Variants in RGS7 observed in about 807,000 individuals in gnomAD.
RGS7 encodes regulator of G-protein signaling 7.
A neutral mutation model predicts 81.1 loss-of-function variants in RGS7; 27 were observed. The ratio of observed to expected loss-of-function variants is 0.33; its 90% CI spans 0.25 to 0.46. The LOEUF is 0.46. Among genes scored for constraint, RGS7 ranks in the 20% least tolerant of loss-of-function variants. The pLI is 1.00. For synonymous variants in RGS7, 208 were observed against 207.7 expected, an observed-to-expected ratio of 1.00 and a Z score of -0.01; for missense variants, 396 against 607.4, an observed-to-expected ratio of 0.65 and a Z score of 3.66.
intron 6 of RGS7, among the ~76,000 whole-genome samples, chr1:240,880,829 T>C (rs953304086): frequency 4.6e-5 from 7 of 152,178 alleles, no homozygotes; most frequent in East Asian, 1.9e-4. Flanking sequence ...TGTTAATTTT[T>C]CAAATGAGTA....
chr1:241,084,025 A>G (rs1019363311), intron 3 of RGS7, among the ~76,000 whole-genome samples: 2 of 152,216 alleles, frequency 1.3e-5, no homozygotes, highest in African/African-American at 4.8e-5. Context: ...AAATATAATA[A>G]GCAGGCTTAA....
At chr1:241,243,628 G>T (rs1329029731) in intron 2 of RGS7, among the ~76,000 whole-genome samples, 1 of 152,166 alleles carries the variant, frequency 6.6e-6, no homozygotes, top group Non-Finnish European at 1.5e-5. Flanking sequence ...CTAAATCCTT[G>T]CAGCTGCCCT....
chr1:241,186,528 T>A (rs60984403), intron 2 of RGS7: 89,705 of 296,066 alleles, frequency 0.3, 13,329 homozygotes, highest in Admixed American at 0.37. Flanking sequence ...TATATATTTT[T>A]TTTTTTTTTT....
chr1:240,999,592 G>A (rs1013857311), intron 3 of RGS7, among the ~76,000 whole-genome samples: 6 of 151,978 alleles, frequency 3.9e-5, no homozygotes, highest in Non-Finnish European at 7.4e-5. Context: ...TTCTTGGTAC[G>A]ATGAGTATTT....
intron 9 of RGS7, among the ~76,000 whole-genome samples, chr1:240,829,748 GACTGAGCCACCAC>G (rs1185183173): frequency 6.6e-6 from 1 of 152,108 alleles, no homozygotes; most frequent in Non-Finnish European, 1.5e-5. Context: ...AGTGAGCTGT[GACTGAGCCACCAC>G]ACTCCAGCCT....
chr1:241,107,840 G>A (rs191824500), intron 2 of RGS7, among the ~76,000 whole-genome samples: 2 of 152,272 alleles, frequency 1.3e-5, no homozygotes, highest in South Asian at 2.1e-4. Context: ...ACTGGAGGTG[G>A]AGTTGGAAGG....
intron 2 of RGS7, among the ~76,000 whole-genome samples, chr1:241,279,123 T>C (rs140497338): frequency 3.6e-4 from 54 of 151,204 alleles, no homozygotes; most frequent in Admixed American, 1.6e-3. Context: ...TCATAACATA[T>C]ATAATATATA....
Position 241,098,739 on chromosome 1 carries a change from C to T in RGS7, c.102G>A (p.Met34Ile). 1 of 1,612,716 alleles carries T rather than the reference C, an allele frequency of 6.2e-7. No homozygotes were observed. Among genetic ancestry groups the T allele is most frequent in the East Asian group, 2.2e-5 (1 of 44,848 alleles). Residue 34 changes from methionine to isoleucine, a missense_variant, in exon 3 of 19, where the codon ATG (methionine) becomes ATA (isoleucine). Transcript: ENST00000440928. Reference protein sequence around the residue: ...YRKMEDVIARMQDEKNGIPIR... With the variant: ...YRKMEDVIARIQDEKNGIPIR... ...TAGGAATTCCATTTTTTTCATCTTGCATCCGTGCTATGACGTCTTCCATCT... is the reference window on the plus strand; with the variant it reads ...TAGGAATTCCATTTTTTTCATCTTGTATCCGTGCTATGACGTCTTCCATCT...
intron 3 of RGS7, among the ~76,000 whole-genome samples, chr1:241,014,925 A>G (rs6685966): frequency 0.061 from 9,236 of 152,198 alleles, 874 homozygotes; most frequent in African/African-American, 0.2. Context: ...CACTTACATC[A>G]AAGGAAAAAT....
At chr1:240,963,095 A>T (rs1467962053) in intron 4 of RGS7, among the ~76,000 whole-genome samples, 1 of 152,182 alleles carries the variant, frequency 6.6e-6, no homozygotes, top group East Asian at 1.9e-4. Context: ...GGTAGAAAAC[A>T]GTGGCAGTTC....
chr1:241,141,600 T>G (rs1485841618), intron 2 of RGS7, among the ~76,000 whole-genome samples: 1 of 152,026 alleles, frequency 6.6e-6, no homozygotes, highest in Non-Finnish European at 1.5e-5. Context: ...GGCGGAAAAG[T>G]CCCTTACAGA....
At chr1:240,915,828 A>C (rs968992870) in intron 6 of RGS7, among the ~76,000 whole-genome samples, 2 of 152,166 alleles carry the variant, frequency 1.3e-5, no homozygotes, top group Non-Finnish European at 2.9e-5. Flanking sequence ...GAAATTCAAG[A>C]AATAAAAAAC....
At chr1:241,025,975 C>A (rs2148710526) in intron 3 of RGS7, among the ~76,000 whole-genome samples, 1 of 152,302 alleles carries the variant, frequency 6.6e-6, no homozygotes, top group African/African-American at 2.4e-5. Context: ...ATTAATAGAA[C>A]ATAGTAATGT....
intron 10 of RGS7, chr1:240,823,279 C>G: frequency 1.6e-6 from 1 of 629,194 alleles, no homozygotes; most frequent in Admixed American, 2.1e-5. Flanking sequence ...ACTTCCGACA[C>G]TGGCCCAACC....
intron 3 of RGS7, among the ~76,000 whole-genome samples, chr1:241,037,669 C>T (rs1380961286): frequency 1.3e-5 from 2 of 150,250 alleles, no homozygotes; most frequent in Admixed American, 1.3e-4. Context: ...TGCAGTGAGC[C>T]GAGATCACGC....
At position 241,271,884 on chromosome 1, in the gene RGS7, CGTGTGTGTGT is replaced by C. The variant is rs373357799; in HGVS notation, c.78+83805_78+83814del. On this transcript the variant is annotated intron_variant, in intron 2 of 18. Coordinates refer to ENST00000440928, the MANE Select transcript of RGS7 (RefSeq NM_001364886.1). The surrounding 1 kb of genome is among the most constrained non-coding windows in gnomAD (Gnocchi z 4.6). ...AATCACACAAGCCAAATCTTTATAA[CGTGTGTGTGT>C]GTGTGTGTGTGTGTGTGTGTGTGTG... Among the ~76,000 whole-genome samples the C allele has an allele frequency of 0.2, 28,688 of 140,302 alleles. 3,195 individuals are homozygous for C. Among genetic ancestry groups the C allele is most frequent in the Admixed American group, 0.32 (4,442 of 14,036 alleles). The allele number at this position is 140,302 out of a possible 152,430, so 92.0% of individuals were successfully genotyped here. A position where few individuals can be genotyped will look rare whatever the true frequency, so the allele number is the denominator to read the frequency against.
intron 16 of RGS7, among the ~76,000 whole-genome samples, chr1:240,802,066 C>T (rs1249580756): frequency 2.0e-5 from 3 of 152,128 alleles, no homozygotes; most frequent in Non-Finnish European, 2.9e-5. Flanking sequence ...TGGCTAGTGA[C>T]TGCTGTACTG....
At chr1:241,000,002 G>A (rs182133161) in intron 3 of RGS7, among the ~76,000 whole-genome samples, 1 of 152,272 alleles carries the variant, frequency 6.6e-6, no homozygotes, top group East Asian at 1.9e-4. Flanking sequence ...CTCCGGAAGA[G>A]GGAAATGCTG....
Position 240,909,519 on chromosome 1 carries a change from C to A in RGS7, c.385+21198G>T, listed in dbSNP as rs187643473. 3.3e-5 allele frequency among the ~76,000 whole-genome samples: 5 copies of A among 152,110 alleles called. No homozygotes were observed. In the South Asian group the frequency reaches 1.0e-3, roughly 31 times the overall value. On this transcript the variant is annotated intron_variant, in intron 6 of 18. Transcript: ENST00000440928. Reference sequence around the variant, plus strand: ...CACAGCCATGGAATCTTTTACCCTACCTAAATGTGTCATAACAAGATGTCT... The same window carrying A: ...CACAGCCATGGAATCTTTTACCCTAACTAAATGTGTCATAACAAGATGTCT...
Sources: gnomAD v4.1 joint callset for allele counts (sites outside exome capture counted in the v4.1 genomes callset) on GRCh38, gnomAD v4.1.1 for gene constraint, Gnocchi (gnomAD v3.1) non-coding constraint, MANE v1.5 for transcripts, NCBI Gene and HGNC (gene_info 2026-07-23, HGNC 2026-07-21) for gene names.